The following HTR2A variants were observed in gnomAD, a reference collection of about 807,000 sequenced individuals.
HTR2A encodes 5-hydroxytryptamine receptor 2A.
HTR2A carries 14 observed loss-of-function variants against 31.0 expected under a neutral mutation model. That is an observed-to-expected ratio of 0.45 (90% CI 0.30 to 0.71). The LOEUF (loss-of-function observed/expected upper bound fraction) is 0.71, where lower values mean the gene tolerates loss of function less well. Among genes scored for constraint, HTR2A ranks in the 30% least tolerant of loss-of-function variants. The pLI, the probability that HTR2A is intolerant of heterozygous loss-of-function variation, is 0.09. For missense variants in HTR2A, 442 were observed against 573.3 expected (o/e 0.77, Z 2.34); for synonymous variants, 209 against 225.2 (o/e 0.93, Z 0.64).
chr13:46,851,001 G>A (rs1566303850), intron 3 of HTR2A, among the ~76,000 whole-genome samples: 1 of 152,158 alleles, frequency 6.6e-6, no homozygotes, highest in East Asian at 1.9e-4. Context: ...TGGGGTGGGG[G>A]TGAGGATGGG....
chr13:46,832,525 GA>G lies in HTR2A; in HGVS notation c.*2311del, dbSNP rs1455980809. 6.6e-6 allele frequency: 1 copy of G among 152,156 alleles called. No homozygotes were observed. Among genetic ancestry groups the G allele is most frequent in the East Asian group, 1.9e-4 (1 of 5,198 alleles). The allele number at this position is 152,156 out of a possible 1,614,324, so 9.4% of individuals were successfully genotyped here. A position where few individuals can be genotyped will look rare whatever the true frequency, so the allele number is the denominator to read the frequency against. On this transcript the variant is annotated 3_prime_UTR_variant, in exon 4 of 4. Transcript: ENST00000542664. ...GATCAAGATTGAGTATATGGGGGTA[GA>G]ATCTGTAATCTTTTCCCTAATATAT...
At chr13:46,859,319 A>G (rs1950763081) in intron 3 of HTR2A, among the ~76,000 whole-genome samples, 1 of 152,176 alleles carries the variant, frequency 6.6e-6, no homozygotes, top group Non-Finnish European at 1.5e-5. Context: ...TTCTCCAAAC[A>G]GGTCCTGTTA....
At chr13:46,838,852 G>T (rs1358610639) in intron 3 of HTR2A, among the ~76,000 whole-genome samples, 3 of 152,130 alleles carry the variant, frequency 2.0e-5, no homozygotes, top group South Asian at 2.1e-4. Context: ...AGAGCCTTTT[G>T]CCCTATTTGC....
intron 3 of HTR2A, among the ~76,000 whole-genome samples, chr13:46,864,587 A>G (rs536284457): frequency 2.0e-5 from 3 of 152,322 alleles, no homozygotes; most frequent in South Asian, 4.1e-4. Flanking sequence ...AGGAGCCTAA[A>G]CTTCCGAGGA....
In HTR2A at chr13:46,832,573, AGTGAAGG is replaced by A. The variant is rs1198075977; in HGVS notation, c.*2257_*2263del. 1 of 152,226 alleles carries A rather than the reference AGTGAAGG, an allele frequency of 6.6e-6. No homozygotes were observed. Among genetic ancestry groups the A allele is most frequent in the Non-Finnish European group, 1.5e-5 (1 of 68,024 alleles). 9.4% of individuals were successfully genotyped at this position (152,226 alleles called of 1,614,324 possible). ...ATATAATGAAATGTGCAGAGTTACAAGTGAAGGCAAAATACATTAGAGTGGAGACATT... is the reference window on the plus strand; with the variant it reads ...ATATAATGAAATGTGCAGAGTTACAACAAAATACATTAGAGTGGAGACATT... On this transcript the variant is annotated 3_prime_UTR_variant, in exon 4 of 4. Transcript: ENST00000542664.
At chr13:46,840,313 T>A (rs1410958302) in intron 3 of HTR2A, among the ~76,000 whole-genome samples, 1 of 152,120 alleles carries the variant, frequency 6.6e-6, no homozygotes, top group Non-Finnish European at 1.5e-5. Flanking sequence ...AAATTCCTTC[T>A]AATCTATGTA....
chr13:46,834,778 TC>T lies in HTR2A; in HGVS notation c.*58del. 2.9e-6 allele frequency: 4 copies of T among 1,394,648 alleles called. No individual in the cohort carries two copies. Among genetic ancestry groups the T allele is most frequent in the Non-Finnish European group, 3.9e-6 (4 of 1,023,676 alleles). 86.4% of individuals were successfully genotyped at this position (1,394,648 alleles called of 1,614,324 possible). ...TTTTCCAATCTCATATTTTTTTTTT[TC>T]CAGATAGGTGAAAACTTGCTCAGTG... On this transcript the variant is annotated 3_prime_UTR_variant, in exon 4 of 4. Coordinates refer to ENST00000542664, the MANE Select transcript of HTR2A (RefSeq NM_000621.5).
chr13:46,890,441 C>A (rs1205704234), intron 3 of HTR2A, among the ~76,000 whole-genome samples: 2 of 152,234 alleles, frequency 1.3e-5, no homozygotes, highest in African/African-American at 4.8e-5. Context: ...CTGCCTCTGG[C>A]TCTTTCTGGC....
Position 46,834,921 on chromosome 13 carries a change from T to C in HTR2A, c.1332A>G (p.Ser444=), listed in dbSNP as rs1275294667. 5 of 1,614,114 alleles carry C rather than the reference T, an allele frequency of 3.1e-6. No individual in the cohort carries two copies. In the South Asian group the frequency reaches 3.3e-5, roughly 11 times the overall value. The change falls in exon 4 of 4, where the codon TCA becomes TCG. Residue 444 remains serine (S), a synonymous_variant. Coordinates refer to ENST00000542664, the MANE Select transcript of HTR2A (RefSeq NM_000621.5). The part of the protein sequence containing the change: ...QDAKTTDNDC[S]MVALGKQHSE... ...AATGCTGCTTTCCTAGAGCAACCAT[T>C]GAGCAGTCATTATCTGTTGTCTTGG...
chr13:46,837,223 C>T (rs1338021438), intron 3 of HTR2A, among the ~76,000 whole-genome samples: 5 of 152,120 alleles, frequency 3.3e-5, no homozygotes, highest in African/African-American at 1.2e-4. Flanking sequence ...TGTGCAGTTT[C>T]ACCACCCAGC....
At chr13:46,896,298 G>A in intron 1 of HTR2A, 64 bp from the exon 2 acceptor site, 1 of 965,118 alleles carries the variant, frequency 1.0e-6, no homozygotes, top group Non-Finnish European at 1.3e-6. Context: ...TCATTTTGTT[G>A]GTTATGCCGA....
At chr13:46,860,460 C>T in intron 3 of HTR2A, among the ~76,000 whole-genome samples, 1 of 152,072 alleles carries the variant, frequency 6.6e-6, no homozygotes, top group East Asian at 1.9e-4. Context: ...AGGTCTGTGG[C>T]AAGGGAGGAT....
chr13:46,837,534 G>A (rs1369516022), intron 3 of HTR2A, among the ~76,000 whole-genome samples: 4 of 152,198 alleles, frequency 2.6e-5, no homozygotes, highest in African/African-American at 4.8e-5. Context: ...AACAAAGAGT[G>A]TTGTGGTTAC....
chr13:46,855,374 G>A (rs189483677), intron 3 of HTR2A, among the ~76,000 whole-genome samples: 1 of 152,322 alleles, frequency 6.6e-6, no homozygotes, highest in East Asian at 1.9e-4. Flanking sequence ...ACCTTCAGAA[G>A]GGGCAGTTTC....
At chr13:46,838,999 CA>C in intron 3 of HTR2A, among the ~76,000 whole-genome samples, 1 of 151,900 alleles carries the variant, frequency 6.6e-6, no homozygotes, top group African/African-American at 2.4e-5. Context: ...CACACACACA[CA>C]CACACACACC....
chr13:46,840,292 A>G (rs1950588335), intron 3 of HTR2A, among the ~76,000 whole-genome samples: 1 of 152,188 alleles, frequency 6.6e-6, no homozygotes, highest in African/African-American at 2.4e-5. Context: ...CTATCCTGAT[A>G]CAGAGTGGCT....
intron 3 of HTR2A, among the ~76,000 whole-genome samples, chr13:46,857,446 C>A (rs1488949281): frequency 6.6e-6 from 1 of 152,120 alleles, no homozygotes; most frequent in Admixed American, 6.5e-5. Flanking sequence ...ATGGAAGGGC[C>A]AAGGCAGCTC....
intron 3 of HTR2A, chr13:46,856,437 G>A (rs1050987614): frequency 6.6e-6 from 1 of 152,016 alleles, no homozygotes; most frequent in Non-Finnish European, 1.5e-5. Context: ...AATGCAGCAG[G>A]GTTTTGAAGA....
chr13:46,845,726 A>G (rs1310241444), intron 3 of HTR2A, among the ~76,000 whole-genome samples: 1 of 152,064 alleles, frequency 6.6e-6, no homozygotes, highest in Non-Finnish European at 1.5e-5. Flanking sequence ...TTACAGGGAA[A>G]TATATCTGCT....
Sources: allele counts gnomAD v4.1 joint callset (sites outside exome capture counted in the v4.1 genomes callset), GRCh38; gene constraint gnomAD v4.1.1; transcripts MANE v1.5; gene names NCBI Gene and HGNC (gene_info 2026-07-23, HGNC 2026-07-21).